Variants in MACF1 observed in about 807,000 individuals in gnomAD.
The protein encoded by MACF1 is microtubule actin crosslinking factor 1.
MACF1 carries 193 observed loss-of-function variants against 854.8 expected under a neutral mutation model. The ratio of observed to expected loss-of-function variants is 0.23; its 90% CI spans 0.20 to 0.25. The LOEUF is 0.25. Ranked by LOEUF, MACF1 falls within the 10% of genes least tolerant of loss-of-function variation. MACF1 has a pLI of 1.00. For missense variants in MACF1, 7,722 were observed against 8,929.1 expected, an observed-to-expected ratio of 0.86 and a Z score of 5.45; for synonymous variants, 3,185 against 3,226.7, an observed-to-expected ratio of 0.99 and a Z score of 0.44.
At chr1:39,130,059 A>G (rs1251862922) in intron 2 of MACF1, among the ~76,000 whole-genome samples, 1 of 146,872 alleles carries the variant, frequency 6.8e-6, no homozygotes, top group South Asian at 2.2e-4. Flanking sequence ...GCCCCACTCC[A>G]TTTTTTTTTT....
intron 2 of MACF1, among the ~76,000 whole-genome samples, chr1:39,186,973 C>A (rs962571893): frequency 1.1e-4 from 17 of 148,572 alleles, no homozygotes; most frequent in Admixed American, 1.1e-3. Flanking sequence ...TTCTCTTTTA[C>A]TAGTGATTCT....
intron 1 of MACF1, among the ~76,000 whole-genome samples, chr1:39,225,900 A>G (rs964207795): frequency 2.0e-5 from 3 of 152,190 alleles, no homozygotes; most frequent in African/African-American, 7.2e-5. Context: ...AGTCTGAGCT[A>G]TTATTCTGAA....
chr1:39,245,077 C>T (rs2148327335), intron 2 of MACF1, among the ~76,000 whole-genome samples: 1 of 152,284 alleles, frequency 6.6e-6, no homozygotes, highest in Non-Finnish European at 1.5e-5. Context: ...GCATAATAAG[C>T]TAGTTCTCAT....
At chr1:39,423,634 CA>C (rs372928855) in intron 60 of MACF1, among the ~76,000 whole-genome samples, 1,026 of 93,982 alleles carry the variant, frequency 0.011, 6 homozygotes, top group African/African-American at 0.035. Context: ...GACTCTGTCT[CA>C]AAAAAAAAAA....
At chr1:39,131,437 G>A (rs932931978) in intron 2 of MACF1, among the ~76,000 whole-genome samples, 1 of 151,462 alleles carries the variant, frequency 6.6e-6, no homozygotes, top group Non-Finnish European at 1.5e-5. Context: ...GCCTCCCAAA[G>A]TGTTGGATTA....
Position 39,442,843 on chromosome 1 carries a change from C to G in MACF1, c.19234C>G (p.Gln6412Glu). The change falls in exon 78 of 101, where the codon CAA becomes GAA. Residue 6412 changes from glutamine (Q) to glutamate (E), a missense_variant. By Grantham distance (29) the Gln-to-Glu change is conservative. This residue lies in a region of MACF1 where 729 missense variants were observed against 900.5 expected (regional missense o/e 0.81). Coordinates refer to ENST00000564288, the MANE Select transcript of MACF1 (RefSeq NM_001394062.1). ...SLRSRLEAMN[Q>E]CWESVLQKTE... ...AAGGAGCCGTTTGGAAGCCATGAACCAATGCTGGGAGTCAGTGTTACAGAA... is the reference window on the plus strand; with the variant it reads ...AAGGAGCCGTTTGGAAGCCATGAACGAATGCTGGGAGTCAGTGTTACAGAA... 2 of 1,614,036 alleles carry G rather than the reference C, an allele frequency of 1.2e-6. No individual in the cohort carries two copies. The highest frequency in any genetic ancestry group is 1.7e-6 in the Non-Finnish European group (2 of 1,179,952).
intron 22 of MACF1, among the ~76,000 whole-genome samples, 157 bp downstream of exon 22, chr1:39,300,519 C>A (rs1646017052): frequency 7.4e-6 from 1 of 135,564 alleles, no homozygotes; most frequent in Non-Finnish European, 1.6e-5. Flanking sequence ...AAAAAAAAAA[C>A]TAAACTAAAA....
intron 2 of MACF1, among the ~76,000 whole-genome samples, chr1:39,156,407 C>T (rs535938123): frequency 1.3e-5 from 2 of 152,242 alleles, no homozygotes; most frequent in South Asian, 4.1e-4. Flanking sequence ...TCACTTGAGT[C>T]CAGAAGTTCG....
At chr1:39,232,746 G>GT (rs10712180) in intron 2 of MACF1, among the ~76,000 whole-genome samples, 2,444 of 127,784 alleles carry the variant, frequency 0.019, 34 homozygotes, top group Middle Eastern at 0.034. Context: ...TACTCTCTTT[G>GT]TTTTTTTTTT....
At chr1:39,280,384 TC>T (rs1343572965) in intron 6 of MACF1, among the ~76,000 whole-genome samples, 1 of 152,136 alleles carries the variant, frequency 6.6e-6, no homozygotes, top group African/African-American at 2.4e-5. Flanking sequence ...GTTATTTCGT[TC>T]ACAGCATCTT....
intron 1 of MACF1, among the ~76,000 whole-genome samples, chr1:39,227,204 T>C (rs1437480873): frequency 6.6e-6 from 1 of 152,198 alleles, no homozygotes; most frequent in Non-Finnish European, 1.5e-5. Context: ...ATAAGCCACC[T>C]TGCCTGGCAT....
intron 24 of MACF1, 119 bp from the exon 25 acceptor site, chr1:39,310,125 CA>C (rs1406276280): frequency 1.2e-6 from 1 of 817,848 alleles, no homozygotes; most frequent in Non-Finnish European, 1.9e-6. Context: ...TAAAAATCAA[CA>C]TGTTTACGAT....
rs183514343 is a variant in MACF1 at position 39,249,069 on chromosome 1, G to A, written c.172-945G>A. On this transcript the variant is annotated intron_variant, in intron 2 of 100. Coordinates refer to ENST00000564288, the MANE Select transcript of MACF1 (RefSeq NM_001394062.1). The stretch of plus-strand genomic sequence containing the variant: ...GCAATGAGTATCACTTAATGAAGTC[G>A]TCACTAGACTGGGACTGAATCAGAA... Among the ~76,000 whole-genome samples the A allele has an allele frequency of 3.3e-5, 5 of 152,258 alleles. No homozygotes were observed. The East Asian group carries it at 7.7e-4, about 23-fold the overall frequency.
At chr1:39,477,088 T>TATAC (rs1553457982) in intron 97 of MACF1, among the ~76,000 whole-genome samples, 2 of 15,872 alleles carry the variant, frequency 1.3e-4, no homozygotes, top group Non-Finnish European at 3.2e-4. Context: ...TATATATATA[T>TATAC]ATACACACAC....
Position 39,333,031 on chromosome 1 carries a change from A to G in MACF1, c.6443A>G (p.Lys2148Arg). 6.2e-7 allele frequency: 1 copy of G among 1,614,112 alleles called. No individual in the cohort carries two copies. Among genetic ancestry groups the G allele is most frequent in the South Asian group, 1.1e-5 (1 of 91,068 alleles). The part of the protein sequence containing the change: ...EAEGVPLVVD[K>R]DVFSVETPKK... ...GAAGGTGTGCCGTTGGTGGTTGACA[A>G]AGATGTTTTTTCTGTTGAAACACCA... The change falls in exon 37 of 101, where the codon AAA becomes AGA. Residue 2148 changes from lysine to arginine, a missense_variant. Physicochemically the swap from Lys to Arg is conservative, Grantham distance 26. Around this residue, in one of 15 missense-constraint regions of MACF1, gnomAD observed 1,531 missense variants for 1,601.6 expected, o/e 0.96. Coordinates refer to ENST00000564288, the MANE Select transcript of MACF1 (RefSeq NM_001394062.1).
At chr1:39,222,712 C>G (rs1206655242) in intron 1 of MACF1, among the ~76,000 whole-genome samples, 1 of 152,200 alleles carries the variant, frequency 6.6e-6, no homozygotes, top group Non-Finnish European at 1.5e-5. Flanking sequence ...AGATTGTAAA[C>G]TTCATGCGGT....
rs150801039 is a variant in MACF1, at chr1:39,324,218, A to T, written c.4262A>T (p.Glu1421Val). ...AAAGTGGTAGAAGAGGAGAAACAAG[A>T]ACATGTGGAGAAGGTTAAAGAACTT... ...EEKVVEEEKQ[E>V]HVEKVKELLG... Residue 1421 changes from glutamate (E) to valine (V), a missense_variant, in exon 34 of 101, where the codon GAA (glutamate) becomes GTA (valine). By Grantham distance (121) the Glu-to-Val change is moderately radical. This residue lies in a region of MACF1 where 1,137 missense variants were observed against 1,263.0 expected (regional missense o/e 0.90). Transcript: ENST00000564288. 208 of 1,609,568 alleles carry T rather than the reference A, an allele frequency of 1.3e-4. No individual in the cohort carries two copies. In the Middle Eastern group the frequency reaches 2.3e-3, roughly 18 times the overall value.
intron 58 of MACF1, chr1:39,413,850 C>T: frequency 1.2e-6 from 2 of 1,610,354 alleles, no homozygotes. Context: ...TGGAGGAACC[C>T]ACTTCCCCGG....
intron 6 of MACF1, among the ~76,000 whole-genome samples, chr1:39,264,701 C>G (rs1645210097): frequency 7.8e-6 from 1 of 128,486 alleles, no homozygotes; most frequent in Non-Finnish European, 1.5e-5. Flanking sequence ...GAGTCTCGCT[C>G]TGTCGCCCAG....
Sources: gnomAD v4.1 joint callset for allele counts (sites outside exome capture counted in the v4.1 genomes callset) on GRCh38, gnomAD v4.1.1 for gene constraint, gnomAD v4.1.1 regional missense constraint, MANE v1.5 for transcripts, NCBI Gene and HGNC (gene_info 2026-07-23, HGNC 2026-07-21) for gene names.